The following TUBGCP5 variants were observed in gnomAD, a reference collection of about 807,000 sequenced individuals.
TUBGCP5 encodes the protein gamma-tubulin complex component 5.
Under a neutral mutation model 134.7 loss-of-function variants are expected in TUBGCP5, and 98 were observed. That is an observed-to-expected ratio of 0.73 (90% CI 0.62 to 0.86). TUBGCP5 has a LOEUF of 0.86. Among genes scored for constraint, TUBGCP5 ranks in the 40% least tolerant of loss-of-function variants. TUBGCP5 has a pLI of 0.00. For missense variants in TUBGCP5, 1,150 were observed against 1,244.8 expected (o/e 0.92, Z 1.15); for synonymous variants, 456 against 431.4 (o/e 1.06, Z -0.71).
chr15:22,995,794 C>T (rs573168358), downstream of TUBGCP5, among the ~76,000 whole-genome samples: 7 of 152,102 alleles, frequency 4.6e-5, no homozygotes, highest in Admixed American at 6.5e-5. Flanking sequence ...TTTCAGGTAA[C>T]ATGTCATGGC....
intron 13 of TUBGCP5, among the ~76,000 whole-genome samples, chr15:23,015,793 C>T (rs1595864040): frequency 6.6e-6 from 1 of 152,298 alleles, no homozygotes; most frequent in African/African-American, 2.4e-5. Flanking sequence ...GACTATACTA[C>T]TGCATTTGTC....
rs61738870 is a variant in TUBGCP5, at chr15:23,017,923, C to T, written c.1606G>A (p.Gly536Ser). The T allele has an allele frequency of 1.1e-5, 17 of 1,614,052 alleles. No individual in the cohort carries two copies. Among genetic ancestry groups the T allele is most frequent in the Non-Finnish European group, 1.3e-5 (15 of 1,180,030 alleles). Reference sequence around the variant, plus strand: ...CTGCTGGAGGGCCCCTGGTCACTGCCGGAACTCGCACTAGCGTTATCACTC... The same window carrying T: ...CTGCTGGAGGGCCCCTGGTCACTGCTGGAACTCGCACTAGCGTTATCACTC... ...KMSDNASASSGSDQGPSSRQH... is the reference protein window; with the variant it reads ...KMSDNASASSSSDQGPSSRQH... Residue 536 changes from glycine to serine, a missense_variant, in exon 13 of 23, where the codon GGC (glycine) becomes AGC (serine). Physicochemically the swap from Gly to Ser is moderately conservative, Grantham distance 56. Coordinates refer to ENST00000615383, the MANE Select transcript of TUBGCP5 (RefSeq NM_052903.6).
chr15:23,037,002 A>T lies in TUBGCP5; in HGVS notation c.204T>A (p.Ile68=). 6.3e-7 allele frequency: 1 copy of T among 1,595,476 alleles called. No individual in the cohort carries two copies. The highest frequency in any genetic ancestry group is 8.5e-7 in the Non-Finnish European group (1 of 1,172,980). ...SHKIEKTIEG[I]YEKFVIHSDL... is the part of the protein sequence containing the mutation. ...CAGAATGAATGACAAATTTTTCATA[A>T]ATTCTAAAATATAAGAAAAGATTAT... The change falls in exon 3 of 23, where the codon ATT becomes ATA. Residue 68 remains isoleucine, a synonymous_variant. Coordinates refer to ENST00000615383, the MANE Select transcript of TUBGCP5 (RefSeq NM_052903.6).
chr15:23,039,040 A>T (rs1210442476), intron 1 of TUBGCP5, among the ~76,000 whole-genome samples: 85 of 152,182 alleles, frequency 5.6e-4, no homozygotes, highest in African/African-American at 2.0e-3. Flanking sequence ...TTTAAAAAAA[A>T]AAAAAATTAT....
intron 4 of TUBGCP5, among the ~76,000 whole-genome samples, chr15:23,032,491 A>G (rs1427511975): frequency 6.6e-6 from 1 of 152,120 alleles, no homozygotes; most frequent in African/African-American, 2.4e-5. Flanking sequence ...ATTATTATTT[A>G]TTTATTTTGA....
At chr15:22,986,774 G>A (rs962512629) in intron 23 of TUBGCP5, among the ~76,000 whole-genome samples, 2 of 151,728 alleles carry the variant, frequency 1.3e-5, no homozygotes, top group Admixed American at 1.3e-4. Context: ...GTCAGAAATC[G>A]TTAAATCGTT....
chr15:22,995,014 T>G (rs1324081895), downstream of TUBGCP5, among the ~76,000 whole-genome samples: 1 of 152,084 alleles, frequency 6.6e-6, no homozygotes, highest in African/African-American at 2.4e-5. Flanking sequence ...GAGGCCCAGG[T>G]GGACGGATCA....
chr15:22,994,261 T>C (rs1416883304), downstream of TUBGCP5, among the ~76,000 whole-genome samples: 4 of 152,086 alleles, frequency 2.6e-5, no homozygotes, highest in African/African-American at 4.8e-5. Flanking sequence ...CTAATTGTTT[T>C]GTATTTTTAG....
intron 14 of TUBGCP5, among the ~76,000 whole-genome samples, chr15:23,010,390 G>A (rs776750002): frequency 1.3e-5 from 2 of 152,112 alleles, no homozygotes; most frequent in South Asian, 2.1e-4. Context: ...TTAGACAACC[G>A]GGAACTGTGT....
chr15:23,000,564 C>T lies in TUBGCP5; in HGVS notation c.3028+5G>A, dbSNP rs1208223689. The T allele has an allele frequency of 5.6e-6, 9 of 1,611,414 alleles. No individual in the cohort carries two copies. Among genetic ancestry groups the T allele is most frequent in the African/African-American group, 1.3e-5 (1 of 74,964 alleles). ...GGTAGAAATATTTTAACATGATATA[C>T]TCACAATGGGGAAAGGATCCTCTAC... On this transcript the variant is annotated splice_donor_5th_base_variant and intron_variant, in intron 22 of 22. Transcript: ENST00000615383.
intron 13 of TUBGCP5, among the ~76,000 whole-genome samples, chr15:23,015,469 C>T (rs1362829078): frequency 6.6e-6 from 1 of 151,558 alleles, no homozygotes; most frequent in Non-Finnish European, 1.5e-5. Context: ...TGGTAAAACC[C>T]GATCGCTACT....
chr15:22,993,611 C>G (rs1345360756), intron 23 of TUBGCP5, among the ~76,000 whole-genome samples: 1 of 137,636 alleles, frequency 7.3e-6, no homozygotes, highest in Non-Finnish European at 1.5e-5. Context: ...ATGGTGCGAT[C>G]TCGGCTCACT....
At chr15:23,009,495 C>T (rs2064914726) in intron 15 of TUBGCP5, among the ~76,000 whole-genome samples, 1 of 152,072 alleles carries the variant, frequency 6.6e-6, no homozygotes, top group African/African-American at 2.4e-5. Flanking sequence ...CTCTCGATCT[C>T]CTGATCTCGT....
At chr15:23,016,969 G>GATATGTGTATATATATATATATAT (rs1555439436) in intron 13 of TUBGCP5, among the ~76,000 whole-genome samples, 8 of 109,434 alleles carry the variant, frequency 7.3e-5, no homozygotes, top group African/African-American at 2.9e-4. Context: ...AAAATTGTGA[G>GATATGTGTATATATATATATATAT]ATATATATAT....
intron 7 of TUBGCP5, 22 bp from the exon 8 acceptor site, chr15:23,026,227 T>C (rs764914305): frequency 3.1e-6 from 5 of 1,598,980 alleles, no homozygotes; most frequent in Non-Finnish European, 2.6e-6. Flanking sequence ...CAAACATAAA[T>C]GTCAATAGAA....
chr15:22,995,898 G>C (rs916598457), downstream of TUBGCP5, among the ~76,000 whole-genome samples: 10 of 152,218 alleles, frequency 6.6e-5, no homozygotes, highest in East Asian at 1.7e-3. Context: ...ATCCTTTTAA[G>C]TCTGGCTTTT....
At chr15:23,011,492 T>C (rs1460043922) in intron 13 of TUBGCP5, among the ~76,000 whole-genome samples, 161 bp from the exon 14 acceptor site, 1 of 148,350 alleles carries the variant, frequency 6.7e-6, no homozygotes, top group Non-Finnish European at 1.5e-5. Flanking sequence ...TATATATTTA[T>C]ATATAGTAAC....
chr15:23,020,431 A>C (rs2065606723), intron 11 of TUBGCP5, among the ~76,000 whole-genome samples: 1 of 149,894 alleles, frequency 6.7e-6, no homozygotes, highest in African/African-American at 2.5e-5. Flanking sequence ...AAAAAACCCC[A>C]AAAAATTAGC....
chr15:23,015,332 T>C (rs1018765881), intron 13 of TUBGCP5, among the ~76,000 whole-genome samples: 8 of 150,688 alleles, frequency 5.3e-5, no homozygotes, highest in African/African-American at 7.3e-5. Flanking sequence ...GTAATCCACC[T>C]GCCTTGGCCT....
Sources: gnomAD v4.1 joint callset for allele counts (sites outside exome capture counted in the v4.1 genomes callset) on GRCh38, gnomAD v4.1.1 for gene constraint, MANE v1.5 for transcripts, NCBI Gene and HGNC (gene_info 2026-07-23, HGNC 2026-07-21) for gene names.